The following CDK14 variants were observed in gnomAD, a reference collection of about 807,000 sequenced individuals.
CDK14 encodes cyclin dependent kinase 14, also known as cyclin-dependent kinase 14.
CDK14 carries 34 observed loss-of-function variants against 60.7 expected under a neutral mutation model. The ratio of observed to expected loss-of-function variants is 0.56; its 90% CI spans 0.43 to 0.75. The LOEUF (loss-of-function observed/expected upper bound fraction) is 0.75, where lower values mean the gene tolerates loss of function less well. Among genes scored for constraint, CDK14 ranks in the 30% least tolerant of loss-of-function variants. CDK14 has a pLI of 0.00. For missense variants in CDK14, 482 were observed against 564.1 expected (o/e 0.85, Z 1.47); for synonymous variants, 197 against 203.7 (o/e 0.97, Z 0.28).
intron 10 of CDK14, among the ~76,000 whole-genome samples, chr7:91,014,972 C>T (rs1419242111): frequency 2.0e-5 from 3 of 152,150 alleles, no homozygotes; most frequent in African/African-American, 4.8e-5. Context: ...TCTTTGAAAC[C>T]TATGTCCATT....
chr7:90,981,415 A>G (rs891584665), intron 9 of CDK14, among the ~76,000 whole-genome samples: 2 of 152,228 alleles, frequency 1.3e-5, no homozygotes, highest in Non-Finnish European at 2.9e-5. Flanking sequence ...ATTACATCCT[A>G]TGATATAAAA....
intron 9 of CDK14, among the ~76,000 whole-genome samples, chr7:90,966,355 T>A (rs1287557320): frequency 6.6e-6 from 1 of 152,170 alleles, no homozygotes; most frequent in Non-Finnish European, 1.5e-5. Flanking sequence ...TATAAATCTA[T>A]ACACTTAGAA....
At chr7:91,134,123 G>T (rs964772713) in intron 14 of CDK14, among the ~76,000 whole-genome samples, 3 of 151,950 alleles carry the variant, frequency 2.0e-5, no homozygotes, top group African/African-American at 7.3e-5. Flanking sequence ...GGCTTTTTGT[G>T]GGGGGAGGGC....
At chr7:90,781,951 C>A (rs6978404) in intron 4 of CDK14, among the ~76,000 whole-genome samples, 138,838 of 152,016 alleles carry the variant, frequency 0.91, 63,531 homozygotes, top group East Asian at 1. Context: ...CAATTCTGTG[C>A]AGAAAGTCAT....
At chr7:91,009,531 C>T (rs919135003) in intron 10 of CDK14, among the ~76,000 whole-genome samples, 4 of 152,080 alleles carry the variant, frequency 2.6e-5, no homozygotes, top group African/African-American at 4.8e-5. Flanking sequence ...TAATTTTAGA[C>T]GTTTTAATAG....
intron 10 of CDK14, among the ~76,000 whole-genome samples, chr7:91,014,152 C>T (rs1251933856): frequency 6.6e-6 from 1 of 151,972 alleles, no homozygotes; most frequent in Non-Finnish European, 1.5e-5. Flanking sequence ...TTTGAAGTCA[C>T]ATATTAGAAA....
chr7:90,836,679 A>C (rs564308417), intron 5 of CDK14, among the ~76,000 whole-genome samples: 4 of 152,324 alleles, frequency 2.6e-5, no homozygotes, highest in Admixed American at 2.0e-4. Flanking sequence ...ATTTATTATC[A>C]TTATCAAGTA....
chr7:90,796,701 A>G (rs1788449445), intron 5 of CDK14, among the ~76,000 whole-genome samples: 1 of 150,458 alleles, frequency 6.6e-6, no homozygotes, highest in Admixed American at 6.6e-5. Context: ...AGATTTCAAC[A>G]GGGTCATTAC....
intron 14 of CDK14, among the ~76,000 whole-genome samples, chr7:91,170,915 C>T (rs1368036734): frequency 6.7e-6 from 1 of 149,746 alleles, no homozygotes; most frequent in Non-Finnish European, 1.5e-5. Flanking sequence ...TACAGGTGTG[C>T]ACCACCATAC....
chr7:91,078,435 T>C (rs2116216981), intron 11 of CDK14, among the ~76,000 whole-genome samples: 1 of 152,236 alleles, frequency 6.6e-6, no homozygotes, highest in African/African-American at 2.4e-5. Context: ...GATGACACCC[T>C]GTCTCTACTA....
chr7:90,988,422 G>C (rs978297921), intron 10 of CDK14, among the ~76,000 whole-genome samples: 1 of 152,096 alleles, frequency 6.6e-6, no homozygotes, highest in Non-Finnish European at 1.5e-5. Flanking sequence ...CAGTAACTCT[G>C]CTCTTAGGTG....
chr7:90,961,821 G>A (rs1298570569), intron 9 of CDK14, among the ~76,000 whole-genome samples: 1 of 152,216 alleles, frequency 6.6e-6, no homozygotes, highest in East Asian at 1.9e-4. Context: ...AAATTAGGAT[G>A]ACCCTGTATT....
intron 14 of CDK14, among the ~76,000 whole-genome samples, chr7:91,156,596 A>G (rs1197070276): frequency 1.3e-5 from 2 of 152,118 alleles, no homozygotes; most frequent in Non-Finnish European, 2.9e-5. Flanking sequence ...GTACTCCCCA[A>G]CCCATCCCCA....
At chr7:90,950,640 G>A (rs1794229986) in intron 8 of CDK14, among the ~76,000 whole-genome samples, 1 of 152,204 alleles carries the variant, frequency 6.6e-6, no homozygotes, top group Non-Finnish European at 1.5e-5. Context: ...AGACGCTAGA[G>A]GATGTAGTAC....
chr7:90,934,343 A>G (rs1793688627), intron 8 of CDK14, among the ~76,000 whole-genome samples: 2 of 152,264 alleles, frequency 1.3e-5, no homozygotes, highest in African/African-American at 4.8e-5. Context: ...GGCAGATCAA[A>G]GGAGGCCAGC....
intron 2 of CDK14, among the ~76,000 whole-genome samples, chr7:90,660,772 C>T (rs1051402419): frequency 1.3e-5 from 2 of 152,200 alleles, no homozygotes; most frequent in African/African-American, 4.8e-5. Flanking sequence ...TTTTCTATAA[C>T]ATGCTCTGTA....
intron 5 of CDK14, among the ~76,000 whole-genome samples, chr7:90,846,124 A>G (rs1337232692): frequency 1.3e-5 from 2 of 152,098 alleles, no homozygotes; most frequent in Non-Finnish European, 2.9e-5. Context: ...AAAATAAACT[A>G]CATATTTTCC....
At chr7:90,634,366 A>G (rs1800080779) in intron 2 of CDK14, among the ~76,000 whole-genome samples, 1 of 139,982 alleles carries the variant, frequency 7.1e-6, no homozygotes, top group African/African-American at 2.7e-5. Flanking sequence ...ATTCCCATCT[A>G]TGAGTGAGAA....
chr7:90,729,769 C>T (rs1049551617), intron 3 of CDK14, among the ~76,000 whole-genome samples: 2 of 151,862 alleles, frequency 1.3e-5, no homozygotes, highest in Admixed American at 6.6e-5. Flanking sequence ...TTTCTCTTAC[C>T]TTATCAAACT....
Sources: gnomAD v4.1 joint callset for allele counts (sites outside exome capture counted in the v4.1 genomes callset) on GRCh38, gnomAD v4.1.1 for gene constraint, MANE v1.5 for transcripts, NCBI Gene and HGNC (gene_info 2026-07-23, HGNC 2026-07-21) for gene names.